MAGI2: variants seen among roughly 807,000 people sequenced by gnomAD.
MAGI2 encodes membrane associated guanylate kinase, WW and PDZ domain containing 2.
In MAGI2, 35 loss-of-function variants were observed where a neutral mutation model predicts 133.3. The ratio of observed to expected loss-of-function variants is 0.26; its 90% confidence interval spans 0.20 to 0.35. The LOEUF is 0.35. Among genes scored for constraint, MAGI2 ranks in the 10% least tolerant of loss-of-function variants. The probability of loss-of-function intolerance (pLI) is 1.00; values close to 1 mark genes in which losing one functional copy is unlikely to be tolerated. For missense variants in MAGI2, 1,636 were observed against 1,863.4 expected (o/e 0.88, Z 2.25); for synonymous variants, 729 against 710.6 (o/e 1.03, Z -0.41).
chr7:78,193,203 A>G (rs528727407), intron 12 of MAGI2, among the ~76,000 whole-genome samples: 3 of 152,320 alleles, frequency 2.0e-5, no homozygotes, highest in Non-Finnish European at 4.4e-5. Context: ...CTGAATCACA[A>G]AGCTTTGCAT....
At chr7:78,583,196 T>C (rs1057470837) in intron 3 of MAGI2, among the ~76,000 whole-genome samples, 1 of 152,116 alleles carries the variant, frequency 6.6e-6, no homozygotes, top group African/African-American at 2.4e-5. Context: ...AGAGTAAACA[T>C]AAGCCTCTCT....
At chr7:79,430,764 C>G (rs1256291626) in intron 1 of MAGI2, among the ~76,000 whole-genome samples, 1 of 152,160 alleles carries the variant, frequency 6.6e-6, no homozygotes, top group Non-Finnish European at 1.5e-5. Context: ...AAATATATCT[C>G]CATAGCTTCT....
At chr7:78,362,019 G>C (rs1013330198) in intron 7 of MAGI2, among the ~76,000 whole-genome samples, 3 of 152,130 alleles carry the variant, frequency 2.0e-5, no homozygotes, top group African/African-American at 4.8e-5. Context: ...ACATTTGAGG[G>C]GGCTGGGTTC....
intron 6 of MAGI2, among the ~76,000 whole-genome samples, chr7:78,482,924 C>CACAG (rs1305268323): frequency 2.1e-5 from 3 of 145,914 alleles, no homozygotes; most frequent in Non-Finnish European, 3.0e-5. Context: ...CACACACACA[C>CACAG]GAGTACTTGT....
At chr7:79,073,611 C>G (rs1444797602) in intron 1 of MAGI2, among the ~76,000 whole-genome samples, 4 of 151,900 alleles carry the variant, frequency 2.6e-5, no homozygotes, top group Non-Finnish European at 5.9e-5. Flanking sequence ...TCTATTCTTG[C>G]TCCTCTCAAG....
intron 1 of MAGI2, among the ~76,000 whole-genome samples, chr7:79,042,461 G>A (rs1219188648): frequency 6.6e-6 from 1 of 152,054 alleles, no homozygotes; most frequent in African/African-American, 2.4e-5. Context: ...GCATATAGTT[G>A]GGTCTTGCTT....
intron 1 of MAGI2, among the ~76,000 whole-genome samples, chr7:79,334,658 C>T (rs1226949374): frequency 6.6e-6 from 1 of 152,086 alleles, no homozygotes; most frequent in African/African-American, 2.4e-5. Context: ...TGTTGTATTA[C>T]CATCTTTACC....
intron 6 of MAGI2, among the ~76,000 whole-genome samples, chr7:78,387,550 G>T (rs981250030): frequency 6.6e-6 from 1 of 152,120 alleles, no homozygotes; most frequent in Non-Finnish European, 1.5e-5. Flanking sequence ...AAAGAGACAG[G>T]CAAGTCTTTA....
chr7:78,899,726 T>C (rs779003529), intron 2 of MAGI2, among the ~76,000 whole-genome samples: 2 of 152,088 alleles, frequency 1.3e-5, no homozygotes, highest in South Asian at 2.1e-4. Flanking sequence ...TGGGGCTGAG[T>C]GTATTTTAAA....
chr7:78,705,765 G>A (rs916845819), intron 2 of MAGI2, among the ~76,000 whole-genome samples: 2 of 152,106 alleles, frequency 1.3e-5, no homozygotes, highest in African/African-American at 4.8e-5. Flanking sequence ...ATAGCTGACT[G>A]GATTAACGTC....
intron 4 of MAGI2, chr7:78,518,149 A>T (rs1796195570): frequency 6.6e-6 from 1 of 152,124 alleles, no homozygotes; most frequent in Non-Finnish European, 1.5e-5. Flanking sequence ...AAAACTAGGA[A>T]TTTTTTATAC....
At chr7:79,224,440 C>T (rs976541153) in intron 1 of MAGI2, among the ~76,000 whole-genome samples, 2 of 151,798 alleles carry the variant, frequency 1.3e-5, no homozygotes, top group African/African-American at 2.4e-5. Flanking sequence ...CCAACTTTGT[C>T]GAAATATCAC....
rs575301817 is a variant in MAGI2, at chr7:78,544,582, T to G, written c.539-22937A>C. On this transcript the variant is annotated intron_variant, in intron 3 of 21. Coordinates refer to ENST00000354212, the MANE Select transcript of MAGI2 (RefSeq NM_012301.4). ...AGAGAAGATGTTAATAAAATAAGAC[T>G]CTTGCTACTCAAAGTGTGATCTGCA... Among the ~76,000 whole-genome samples, 3 of 152,324 alleles carry G rather than the reference T, an allele frequency of 2.0e-5. No homozygotes were observed. The East Asian group carries it at 5.8e-4, about 29-fold the overall frequency.
chr7:78,668,735 T>C (rs1239635005), intron 2 of MAGI2, among the ~76,000 whole-genome samples: 1 of 151,836 alleles, frequency 6.6e-6, no homozygotes, highest in Non-Finnish European at 1.5e-5. Flanking sequence ...CAGACCACAG[T>C]GCAATCAAAG....
intron 2 of MAGI2, chr7:78,940,425 G>C (rs573596368): frequency 6.6e-6 from 1 of 152,252 alleles, no homozygotes; most frequent in East Asian, 1.9e-4. Flanking sequence ...ACACTTTAGA[G>C]ATTGAGTGAT....
At chr7:78,542,766 T>C (rs1408870905) in intron 3 of MAGI2, among the ~76,000 whole-genome samples, 1 of 152,136 alleles carries the variant, frequency 6.6e-6, no homozygotes, top group Non-Finnish European at 1.5e-5. Flanking sequence ...AAGCAGATCA[T>C]ACAGGGCCTT....
chr7:79,148,094 A>C (rs1161727341), intron 1 of MAGI2, among the ~76,000 whole-genome samples: 3 of 152,160 alleles, frequency 2.0e-5, no homozygotes, highest in African/African-American at 7.2e-5. Flanking sequence ...TCAGTGGCCC[A>C]TCGAAGCCCA....
chr7:78,661,194 G>C (rs983111936), intron 2 of MAGI2, among the ~76,000 whole-genome samples: 2 of 152,102 alleles, frequency 1.3e-5, no homozygotes, highest in Non-Finnish European at 2.9e-5. Context: ...ACACAGGTAA[G>C]TAATCTGATC....
chr7:78,330,554 C>CCT (rs572127345), intron 9 of MAGI2, among the ~76,000 whole-genome samples: 1,365 of 91,700 alleles, frequency 0.015, 380 homozygotes, highest in African/African-American at 0.06. Flanking sequence ...GGGGGCGGAG[C>CCT]CTGCAGTGAG....
Sources: gnomAD v4.1 joint callset for allele counts (sites outside exome capture counted in the v4.1 genomes callset) on GRCh38, gnomAD v4.1.1 for gene constraint, MANE v1.5 for transcripts, NCBI Gene and HGNC (gene_info 2026-07-23, HGNC 2026-07-21) for gene names.